PBX3: variants seen among roughly 807,000 people sequenced by gnomAD.
The protein encoded by PBX3 is pre-B-cell leukemia transcription factor 3.
In PBX3, 14 loss-of-function variants were observed where a neutral mutation model predicts 48.5. The observed-to-expected ratio is 0.29, with a 90% CI of 0.19 to 0.45. The LOEUF (loss-of-function observed/expected upper bound fraction) is 0.45. PBX3 is among the 20% of genes least tolerant of loss of function. The pLI, the probability that PBX3 is intolerant of heterozygous loss-of-function variation, is 1.00. For synonymous variants in PBX3, 210 were observed against 200.3 expected (o/e 1.05, Z -0.41); for missense variants, 386 against 546.7 (o/e 0.71, Z 2.93).
chr9:125,919,531 C>A (rs1841411859), intron 3 of PBX3, among the ~76,000 whole-genome samples: 1 of 151,968 alleles, frequency 6.6e-6, no homozygotes, highest in South Asian at 2.1e-4. Context: ...TTTACACTTT[C>A]CAGAAATTAT....
intron 2 of PBX3, among the ~76,000 whole-genome samples, chr9:125,785,085 T>A (rs936327112): frequency 6.6e-6 from 1 of 152,324 alleles, no homozygotes; most frequent in Non-Finnish European, 1.5e-5. Context: ...CTTTTACTTA[T>A]AATGTTTTGG....
chr9:125,813,437 A>G (rs991617054), intron 2 of PBX3, among the ~76,000 whole-genome samples: 4 of 152,366 alleles, frequency 2.6e-5, no homozygotes, highest in African/African-American at 4.8e-5. Context: ...CCAAAACATC[A>G]TTATGCAGTG....
chr9:125,897,645 A>C (rs1281763816), intron 2 of PBX3, among the ~76,000 whole-genome samples: 4 of 151,900 alleles, frequency 2.6e-5, no homozygotes, highest in Admixed American at 6.6e-5. Flanking sequence ...AATTTATTGT[A>C]CTTCTAGTTT....
chr9:125,964,292 T>C (rs562865004), intron 8 of PBX3, among the ~76,000 whole-genome samples: 1 of 152,370 alleles, frequency 6.6e-6, no homozygotes, highest in Non-Finnish European at 1.5e-5. Context: ...ATTTGTTGTT[T>C]ATAAATTTGG....
intron 2 of PBX3, among the ~76,000 whole-genome samples, chr9:125,770,284 C>T (rs1836908232): frequency 6.6e-6 from 1 of 151,882 alleles, no homozygotes; most frequent in Non-Finnish European, 1.5e-5. Context: ...GTAATATGAA[C>T]TGTTGAAAAA....
At chr9:125,892,766 T>A (rs1840679782) in intron 2 of PBX3, among the ~76,000 whole-genome samples, 1 of 152,214 alleles carries the variant, frequency 6.6e-6, no homozygotes, top group Admixed American at 6.5e-5. Flanking sequence ...TATGCTGTGA[T>A]GAAGTAAGCA....
chr9:125,894,442 A>C (rs1840722343), intron 2 of PBX3, among the ~76,000 whole-genome samples: 1 of 152,134 alleles, frequency 6.6e-6, no homozygotes, highest in Admixed American at 6.6e-5. Context: ...TTGCCCACAT[A>C]ATGTTATTCC....
intron 2 of PBX3, among the ~76,000 whole-genome samples, chr9:125,760,857 G>A (rs1836647778): frequency 1.3e-5 from 2 of 152,166 alleles, no homozygotes; most frequent in African/African-American, 4.8e-5. Context: ...TGTGTGTAAT[G>A]TTGAAATGTC....
rs928210585 is a variant in PBX3 at position 125,960,790 on chromosome 9, A to G, written c.950A>G (p.His317Arg). 5 of 1,614,050 alleles carry G rather than the reference A, an allele frequency of 3.1e-6. No homozygotes were observed. The Admixed American group carries it at 8.3e-5, about 27-fold the overall frequency. Residue 317 changes from histidine (H) to arginine (R), a missense_variant, in exon 6 of 9, where the codon CAC (histidine) becomes CGC (arginine). Transcript: ENST00000373489. ...GCAAAGACGGCCGTGACAGCTGCAC[A>G]CGCAGTAGCAGCAGCTGTGCAGAAC... ...YAAKTAVTAA[H>R]AVAAAVQNNQ...
At chr9:125,819,392 G>T (rs1199326411) in intron 2 of PBX3, among the ~76,000 whole-genome samples, 1 of 151,764 alleles carries the variant, frequency 6.6e-6, no homozygotes, top group Non-Finnish European at 1.5e-5. Flanking sequence ...TGGGTGTGGT[G>T]GTTCATGCCT....
chr9:125,800,130 T>C lies in PBX3; in HGVS notation c.274+51507T>C, dbSNP rs573708008. Among the ~76,000 whole-genome samples, 333 of 152,328 alleles carry C rather than the reference T, an allele frequency of 2.2e-3. 1 individual carries two copies. Among genetic ancestry groups the C allele is most frequent in the African/African-American group, 7.6e-3 (316 of 41,574 alleles). Reference sequence around the variant, plus strand: ...TCTTAACAATTTGATGTTTGGTTTTTGCTTCAACTATGGACTCAGTGGTGC... The same window carrying C: ...TCTTAACAATTTGATGTTTGGTTTTCGCTTCAACTATGGACTCAGTGGTGC... On this transcript the variant is annotated intron_variant, in intron 2 of 8. Coordinates refer to ENST00000373489, the MANE Select transcript of PBX3 (RefSeq NM_006195.6).
chr9:125,781,261 T>C (rs374615611), intron 2 of PBX3, among the ~76,000 whole-genome samples: 2,172 of 150,362 alleles, frequency 0.014, 88 homozygotes, highest in East Asian at 0.14. Context: ...ACTCCGTCTG[T>C]AATCCCGGCA....
intron 3 of PBX3, among the ~76,000 whole-genome samples, chr9:125,916,799 A>G (rs1841344652): frequency 6.6e-6 from 1 of 152,204 alleles, no homozygotes; most frequent in Non-Finnish European, 1.5e-5. Context: ...AGTTTGAGGA[A>G]TTCTCATTTG....
intron 2 of PBX3, among the ~76,000 whole-genome samples, chr9:125,811,367 G>A (rs1031002679): frequency 6.6e-6 from 1 of 152,202 alleles, no homozygotes; most frequent in African/African-American, 2.4e-5. Flanking sequence ...ATCTCACCTT[G>A]AATTGTAATA....
chr9:125,840,507 C>T (rs1246764004), intron 2 of PBX3, among the ~76,000 whole-genome samples: 1 of 151,486 alleles, frequency 6.6e-6, no homozygotes, highest in Non-Finnish European at 1.5e-5. Flanking sequence ...ACTTTTAACA[C>T]ACCTTCCATC....
At chr9:125,781,765 GTTCT>G (rs980004866) in intron 2 of PBX3, among the ~76,000 whole-genome samples, 1 of 150,492 alleles carries the variant, frequency 6.6e-6, no homozygotes, top group Non-Finnish European at 1.5e-5. Flanking sequence ...TCTTTTTCTA[GTTCT>G]TTAAGGTATA....
intron 2 of PBX3, among the ~76,000 whole-genome samples, chr9:125,768,242 G>A (rs892269798): frequency 2.6e-5 from 4 of 152,100 alleles, no homozygotes; most frequent in African/African-American, 7.2e-5. Flanking sequence ...CCATCCTTGT[G>A]TATATAAAAT....
chr9:125,947,509 G>A (rs190228900), intron 5 of PBX3, among the ~76,000 whole-genome samples: 2 of 152,120 alleles, frequency 1.3e-5, no homozygotes, highest in African/African-American at 2.4e-5. Flanking sequence ...TTAAAGAAAA[G>A]TAAAGCATAT....
intron 5 of PBX3, among the ~76,000 whole-genome samples, chr9:125,946,592 G>A (rs555109836): frequency 3.9e-5 from 6 of 152,254 alleles, no homozygotes; most frequent in Admixed American, 3.9e-4. Flanking sequence ...AGTGGATTGG[G>A]TTAAAAGCAG....
Sources: gnomAD v4.1 joint callset for allele counts (sites outside exome capture counted in the v4.1 genomes callset) on GRCh38, gnomAD v4.1.1 for gene constraint, MANE v1.5 for transcripts, NCBI Gene and HGNC (gene_info 2026-07-23, HGNC 2026-07-21) for gene names.